WASHC3: variants seen among roughly 807,000 people sequenced by gnomAD.
WASHC3 encodes the protein WASH complex subunit 3.
A neutral mutation model predicts 26.1 loss-of-function variants in WASHC3; 24 were observed. That is an observed-to-expected ratio of 0.92 (90% CI 0.66 to 1.29). The LOEUF (loss-of-function observed/expected upper bound fraction) is 1.29. Ranked by LOEUF, WASHC3 falls within the 50% of genes most tolerant of loss-of-function variation. The pLI, the probability that WASHC3 is intolerant of heterozygous loss-of-function variation, is 0.00. For synonymous variants in WASHC3, 77 were observed against 75.7 expected, an observed-to-expected ratio of 1.02 and a Z score of -0.09; for missense variants, 214 against 229.6, an observed-to-expected ratio of 0.93 and a Z score of 0.44.
chr12:102,028,795 T>TAATAAGAATTATATCAC (rs1233087695), intron 5 of WASHC3, among the ~76,000 whole-genome samples: 1 of 149,982 alleles, frequency 6.7e-6, no homozygotes, highest in Non-Finnish European at 1.5e-5. Flanking sequence ...ATAATAAGAA[T>TAATAAGAATTATATCAC]AATAAGAATT....
At chr12:102,036,843 G>A (rs766513284) in intron 5 of WASHC3, among the ~76,000 whole-genome samples, 2 of 152,096 alleles carry the variant, frequency 1.3e-5, no homozygotes, top group Non-Finnish European at 2.9e-5. Flanking sequence ...AGAAGAAATT[G>A]AACCCCTAAT....
chr12:102,060,062 C>A lies in WASHC3; in HGVS notation c.150+1186G>T, dbSNP rs117575264. ...TTCATACAAGTAAAAAATAGTTTTC[C>A]CATCTCCATGCAATTTTTATTAATA... On this transcript the variant is annotated intron_variant, in intron 2 of 6. Coordinates refer to ENST00000240079, the MANE Select transcript of WASHC3 (RefSeq NM_016053.4). 1.1e-4 allele frequency among the ~76,000 whole-genome samples: 17 copies of A among 152,266 alleles called. No homozygotes were observed. In the East Asian group the frequency reaches 2.3e-3, roughly 21 times the overall value.
chr12:102,033,091 G>T (rs1169349205), intron 5 of WASHC3, among the ~76,000 whole-genome samples: 1 of 152,048 alleles, frequency 6.6e-6, no homozygotes, highest in East Asian at 1.9e-4. Flanking sequence ...TGTGGCAAGT[G>T]AAGCAAGGCA....
At chr12:102,058,043 G>C (rs917592427) in intron 2 of WASHC3, among the ~76,000 whole-genome samples, 5 of 152,020 alleles carry the variant, frequency 3.3e-5, no homozygotes, top group Admixed American at 1.3e-4. Context: ...AACAGCCATA[G>C]ACCAAGGAAA....
chr12:102,027,965 T>C (rs1877270456), intron 5 of WASHC3, among the ~76,000 whole-genome samples: 1 of 152,108 alleles, frequency 6.6e-6, no homozygotes. Context: ...AAACCATACC[T>C]CTGAAAGCAA....
chr12:102,021,060 C>T (rs1030045100), intron 6 of WASHC3, among the ~76,000 whole-genome samples: 7 of 151,964 alleles, frequency 4.6e-5, no homozygotes, highest in South Asian at 2.1e-4. Context: ...CCAGCCTGGG[C>T]GACAAGAGCA....
At chr12:102,050,243 T>G (rs1878333277) in intron 2 of WASHC3, 1 of 451,072 alleles carries the variant, frequency 2.2e-6, no homozygotes, top group Non-Finnish European at 4.4e-6. Flanking sequence ...TGCAGTGAGC[T>G]AAGTTCACTC....
chr12:102,059,502 T>A (rs1184395229), intron 2 of WASHC3, among the ~76,000 whole-genome samples: 1 of 151,726 alleles, frequency 6.6e-6, no homozygotes, highest in Non-Finnish European at 1.5e-5. Context: ...GGTTAAAGAG[T>A]GACTCATGAG....
At position 102,039,125 on chromosome 12, in the gene WASHC3, TA is replaced by T. The variant is rs1210694232; in HGVS notation, c.435+742del. On this transcript the variant is annotated intron_variant, in intron 5 of 6. Transcript: ENST00000240079. Reference sequence around the variant, plus strand: ...CCAGGTGCATGCCATCATATGGAGTTAGGTTTTTTTTTTTTTTTTTTTTTTT... The same window carrying T: ...CCAGGTGCATGCCATCATATGGAGTTGGTTTTTTTTTTTTTTTTTTTTTTT... Among the ~76,000 whole-genome samples the T allele has an allele frequency of 2.5e-3, 355 of 139,964 alleles. 6 individuals carry two copies. The highest frequency in any genetic ancestry group is 7.5e-3 in the African/African-American group (277 of 37,106). The allele number at this position is 139,964 out of a possible 152,430, so 91.8% of individuals were successfully genotyped here.
chr12:102,048,581 AAAAG>A (rs1878259473), intron 2 of WASHC3, among the ~76,000 whole-genome samples: 1 of 152,104 alleles, frequency 6.6e-6, no homozygotes, highest in African/African-American at 2.4e-5. Flanking sequence ...AAAAAAAAGA[AAAAG>A]AAAAAAAATC....
chr12:102,028,069 A>C (rs1169267775), intron 5 of WASHC3, among the ~76,000 whole-genome samples: 2 of 152,164 alleles, frequency 1.3e-5, no homozygotes, highest in Admixed American at 1.3e-4. Flanking sequence ...TTAATGACCA[A>C]AAAGAGAAAA....
At chr12:102,037,457 T>TA (rs1877715731) in intron 5 of WASHC3, among the ~76,000 whole-genome samples, 1 of 152,126 alleles carries the variant, frequency 6.6e-6, no homozygotes. Flanking sequence ...AGGCTGTACT[T>TA]AGAAGGTAAT....
chr12:102,037,799 GT>G (rs980612785), intron 5 of WASHC3, among the ~76,000 whole-genome samples: 1 of 150,448 alleles, frequency 6.6e-6, no homozygotes, highest in East Asian at 1.9e-4. Context: ...TTTGTTTTTT[GT>G]TTTTTGTTTT....
chr12:102,017,254 C>T (rs1876744620), intron 6 of WASHC3, among the ~76,000 whole-genome samples: 1 of 152,062 alleles, frequency 6.6e-6, no homozygotes, highest in Admixed American at 6.6e-5. Context: ...ACCATTTAGG[C>T]TTGTGTAAGT....
intron 2 of WASHC3, among the ~76,000 whole-genome samples, chr12:102,059,963 A>C (rs1207120580): frequency 1.3e-5 from 2 of 152,198 alleles, no homozygotes; most frequent in East Asian, 3.8e-4. Context: ...CCCTTACTCT[A>C]CCAATTACTA....
intron 6 of WASHC3, among the ~76,000 whole-genome samples, chr12:102,014,262 G>A (rs985445577): frequency 2.0e-4 from 30 of 151,572 alleles, no homozygotes; most frequent in Non-Finnish European, 3.8e-4. Context: ...CAGTAGAGAC[G>A]GGATTTCACC....
intron 5 of WASHC3, among the ~76,000 whole-genome samples, chr12:102,027,580 T>C (rs561280234): frequency 5.3e-5 from 8 of 152,256 alleles, no homozygotes; most frequent in African/African-American, 1.9e-4. Context: ...AAATTTTATG[T>C]AAAAAAATTT....
At chr12:102,042,466 T>G (rs566761651) in intron 4 of WASHC3, among the ~76,000 whole-genome samples, 9 of 152,178 alleles carry the variant, frequency 5.9e-5, no homozygotes, top group Admixed American at 5.2e-4. Flanking sequence ...TATAGTGTAG[T>G]GAAGCAGGTA....
intron 4 of WASHC3, among the ~76,000 whole-genome samples, chr12:102,042,459 A>G (rs905211088): frequency 6.6e-6 from 1 of 152,156 alleles, no homozygotes; most frequent in East Asian, 1.9e-4. Flanking sequence ...AGTGTAGTAT[A>G]GTGTAGTGAA....
Sources: gnomAD v4.1 joint callset for allele counts (sites outside exome capture counted in the v4.1 genomes callset) on GRCh38, gnomAD v4.1.1 for gene constraint, MANE v1.5 for transcripts, NCBI Gene and HGNC (gene_info 2026-07-23, HGNC 2026-07-21) for gene names.